Variants in INPP1 observed in about 807,000 individuals in gnomAD.
INPP1 encodes inositol polyphosphate 1-phosphatase.
INPP1 carries 18 observed loss-of-function variants against 23.0 expected under a neutral mutation model. That is an observed-to-expected ratio of 0.78 (90% CI 0.54 to 1.16). The LOEUF is 1.16. Ranked by LOEUF, INPP1 falls within the 50% of genes most tolerant of loss-of-function variation. The pLI, the probability that INPP1 is intolerant of heterozygous loss-of-function variation, is 0.00. For synonymous variants in INPP1, 164 were observed against 176.3 expected, an observed-to-expected ratio of 0.93 and a Z score of 0.55; for missense variants, 448 against 482.1, an observed-to-expected ratio of 0.93 and a Z score of 0.66.
At chr2:190,351,605 GT>G (rs930023631) in intron 2 of INPP1, among the ~76,000 whole-genome samples, 1 of 152,170 alleles carries the variant, frequency 6.6e-6, no homozygotes, top group Admixed American at 6.5e-5. Context: ...TTGACAGCAT[GT>G]TTTTGTGAGA....
At chr2:190,362,010 G>A (rs993567905) in intron 3 of INPP1, among the ~76,000 whole-genome samples, 1 of 152,172 alleles carries the variant, frequency 6.6e-6, no homozygotes, top group Non-Finnish European at 1.5e-5. Flanking sequence ...ATCATACAGA[G>A]ATGACAGAAG....
rs772373133 is a variant in INPP1, at chr2:190,368,267, C to T, written c.467-836C>T. Among the ~76,000 whole-genome samples, 7 of 152,290 alleles carry T rather than the reference C, an allele frequency of 4.6e-5. No homozygotes were observed. The highest frequency in any genetic ancestry group is 1.4e-4 in the African/African-American group (6 of 41,556). On this transcript the variant is annotated intron_variant, in intron 5 of 6. Coordinates refer to ENST00000392329, the MANE Select transcript of INPP1 (RefSeq NM_001128928.2). The surrounding 1 kb of genome is among the most constrained non-coding windows in gnomAD (Gnocchi z 4.3). ...CTTAGCCGTGTGTTGACTCCCTAGACGTCAGCAGTCAGCTGCTGGCATGTA... is the reference window on the plus strand; with the variant it reads ...CTTAGCCGTGTGTTGACTCCCTAGATGTCAGCAGTCAGCTGCTGGCATGTA...
rs796196740 is a variant in INPP1 at position 190,364,606 on chromosome 2, T to TTTTG, written c.265+1919_265+1920insTTTG. The stretch of plus-strand genomic sequence containing the variant: ...GAGGTTCTGATTTTTTTTTTTTTTT[T>TTTTG]GTTAGATGGAGTCTCCCTCTGTTGC... On this transcript the variant is annotated intron_variant, in intron 4 of 6. Coordinates refer to ENST00000392329, the MANE Select transcript of INPP1 (RefSeq NM_001128928.2). 1.9e-4 allele frequency among the ~76,000 whole-genome samples: 18 copies of TTTTG among 96,352 alleles called. 4 individuals are homozygous for TTTTG. The highest frequency in any genetic ancestry group is 8.1e-4 in the East Asian group (2 of 2,472). The allele number at this position is 96,352 out of a possible 152,430, so 63.2% of individuals were successfully genotyped here. A position where few individuals can be genotyped will look rare whatever the true frequency, so the allele number is the denominator to read the frequency against.
rs1279803632 is a variant in INPP1 at position 190,363,337 on chromosome 2, A to G, written c.265+650A>G. On this transcript the variant is annotated intron_variant, in intron 4 of 6. Coordinates refer to ENST00000392329, the MANE Select transcript of INPP1 (RefSeq NM_001128928.2). The surrounding 1 kb of genome is among the most constrained non-coding windows in gnomAD (Gnocchi z 4.4). ...AACCTCCACCTCCTGGATTCAAGCC[A>G]TTCTCCTGCCTCATCCTCCTGAGTG... 2.0e-5 allele frequency among the ~76,000 whole-genome samples: 3 copies of G among 152,164 alleles called. No homozygotes were observed. Among genetic ancestry groups the G allele is most frequent in the Non-Finnish European group, 2.9e-5 (2 of 68,028 alleles).
Position 190,362,702 on chromosome 2 carries a change from C to T in INPP1, c.265+15C>T, listed in dbSNP as rs756260679. The stretch of plus-strand genomic sequence containing the variant: ...TAATGACTGGGGTAAGTATAAGAAT[C>T]TTAATGTGTCTTTGTAATTTAATTA... On this transcript the variant is annotated intron_variant, in intron 4 of 6. Coordinates refer to ENST00000392329, the MANE Select transcript of INPP1 (RefSeq NM_001128928.2). The T allele has an allele frequency of 4.0e-6, 6 of 1,482,800 alleles. No homozygotes were observed. In the East Asian group the frequency reaches 6.8e-5, roughly 17 times the overall value. 91.9% of individuals were successfully genotyped at this position (1,482,800 alleles called of 1,614,324 possible).
chr2:190,353,269 A>G (rs1689358002), intron 2 of INPP1, among the ~76,000 whole-genome samples: 1 of 152,190 alleles, frequency 6.6e-6, no homozygotes, highest in Admixed American at 6.5e-5. Context: ...AGCCAGTCAT[A>G]GACTGTCTAC....
rs189402913 is a variant in INPP1, at chr2:190,344,478, T to C, written c.-209+517T>C. ...CTGCCAGCTACCTCCAGTGACCTACTTGATGAGTGTGAAATAAATATGATG... is the reference window on the plus strand; with the variant it reads ...CTGCCAGCTACCTCCAGTGACCTACCTGATGAGTGTGAAATAAATATGATG... On this transcript the variant is annotated intron_variant, in intron 1 of 6. Transcript: ENST00000392329. Among the ~76,000 whole-genome samples, 10 of 152,324 alleles carry C rather than the reference T, an allele frequency of 6.6e-5. No individual in the cohort carries two copies. In the East Asian group the frequency reaches 1.7e-3, roughly 26 times the overall value.
chr2:190,357,618 A>G (rs1195406201), intron 2 of INPP1, among the ~76,000 whole-genome samples: 1 of 152,224 alleles, frequency 6.6e-6, no homozygotes. Context: ...ATTATTTTCA[A>G]CTTGTTGTAA....
rs768042021 is a variant in INPP1, at chr2:190,369,083, A to G, written c.467-20A>G. ...AAATGATCTTTACCTGAATCCAAACACATTTGTTTCCTTTTTCAGATTCAA... is the reference window on the plus strand; with the variant it reads ...AAATGATCTTTACCTGAATCCAAACGCATTTGTTTCCTTTTTCAGATTCAA... On this transcript the variant is annotated intron_variant, in intron 5 of 6. Coordinates refer to ENST00000392329, the MANE Select transcript of INPP1 (RefSeq NM_001128928.2). 6 of 1,496,406 alleles carry G rather than the reference A, an allele frequency of 4.0e-6. No individual in the cohort carries two copies. Among genetic ancestry groups the G allele is most frequent in the Non-Finnish European group, 9.1e-7 (1 of 1,096,938 alleles). 92.7% of individuals were successfully genotyped at this position (1,496,406 alleles called of 1,614,324 possible).
intron 1 of INPP1, among the ~76,000 whole-genome samples, chr2:190,344,410 G>T (rs1351170901): frequency 6.6e-6 from 1 of 152,218 alleles, no homozygotes; most frequent in African/African-American, 2.4e-5. Context: ...GTGACCCCTT[G>T]GTCTCAGCCT....
chr2:190,358,064 T>G (rs573682515), intron 2 of INPP1, among the ~76,000 whole-genome samples: 1 of 146,984 alleles, frequency 6.8e-6, no homozygotes, highest in Non-Finnish European at 1.5e-5. Flanking sequence ...CCAGAGTCCA[T>G]TAAGGGAATT....
chr2:190,363,849 A>G lies in INPP1; in HGVS notation c.265+1162A>G, dbSNP rs1189218810. Among the ~76,000 whole-genome samples the G allele has an allele frequency of 2.0e-5, 3 of 152,236 alleles. No homozygotes were observed. Among genetic ancestry groups the G allele is most frequent in the Non-Finnish European group, 4.4e-5 (3 of 68,038 alleles). ...AATTATAGAGGCAAAAGGCATAGCC[A>G]CATCCATTTTCCTGTTTGTTAAAAG... On this transcript the variant is annotated intron_variant, in intron 4 of 6. Coordinates refer to ENST00000392329, the MANE Select transcript of INPP1 (RefSeq NM_001128928.2). The surrounding 1 kb of genome is among the most constrained non-coding windows in gnomAD (Gnocchi z 4.4).
At position 190,356,065 on chromosome 2, in the gene INPP1, G is replaced by A. The variant is rs1689415818; in HGVS notation, c.-64-3974G>A. Among the ~76,000 whole-genome samples the A allele has an allele frequency of 6.6e-6, 1 of 152,196 alleles. No homozygotes were observed. The highest frequency in any genetic ancestry group is 2.4e-5 in the African/African-American group (1 of 41,438). On this transcript the variant is annotated intron_variant, in intron 2 of 6. Transcript: ENST00000392329. This position sits in a 1 kb window ranked among gnomAD's most constrained non-coding sequence, Gnocchi z 6.4. The stretch of plus-strand genomic sequence containing the variant: ...TTTCTCCATAGACAAATTATTTCAA[G>A]TTGAGCCATTCAAGGTTAGGATGAA...
At chr2:190,364,496 C>T (rs558949532) in intron 4 of INPP1, among the ~76,000 whole-genome samples, 11 of 149,598 alleles carry the variant, frequency 7.4e-5, no homozygotes, top group Non-Finnish European at 1.5e-4. Context: ...GAGCGGAGAT[C>T]GCACCACTGC....
intron 4 of INPP1, among the ~76,000 whole-genome samples, chr2:190,366,397 CTG>C (rs1431100379): frequency 6.9e-6 from 1 of 144,284 alleles, no homozygotes; most frequent in Non-Finnish European, 1.5e-5. Flanking sequence ...CTCTCCCTGT[CTG>C]TCTCTCTTGC....
intron 3 of INPP1, among the ~76,000 whole-genome samples, chr2:190,362,066 A>T (rs1358313327): frequency 6.6e-6 from 1 of 152,200 alleles, no homozygotes; most frequent in Admixed American, 6.5e-5. Flanking sequence ...TGATACTTAA[A>T]TTATTGGCCA....
At position 190,370,910 on chromosome 2, in the gene INPP1, C is replaced by T. The variant is rs751112078; in HGVS notation, c.708C>T (p.Thr236=). 5.6e-6 allele frequency: 9 copies of T among 1,614,050 alleles called. No homozygotes were observed. Among genetic ancestry groups the T allele is most frequent in the African/African-American group, 1.3e-5 (1 of 74,912 alleles). The change falls in exon 7 of 7, where the codon ACC becomes ACT. Residue 236 remains threonine (T), a synonymous_variant. Coordinates refer to ENST00000392329, the MANE Select transcript of INPP1 (RefSeq NM_001128928.2). The part of the protein sequence containing the change: ...MGTNMHSLQL[T]ISRRNGSETH... The stretch of plus-strand genomic sequence containing the variant: ...CCAACATGCATTCACTACAGCTCAC[C>T]ATCTCTAGAAGAAACGGCAGTGAAA...
chr2:190,366,657 C>A, intron 4 of INPP1, 38 bp from the exon 5 acceptor site: 1 of 1,434,086 alleles, frequency 7.0e-7, no homozygotes, highest in Non-Finnish European at 9.8e-7. Context: ...CACTGAAACT[C>A]TTGAAATGTA....
Position 190,345,017 on chromosome 2 carries a change from G to T in INPP1, c.-209+1056G>T, listed in dbSNP as rs1689187589. Among the ~76,000 whole-genome samples the T allele has an allele frequency of 6.6e-6, 1 of 152,152 alleles. No homozygotes were observed. The highest frequency in any genetic ancestry group is 2.1e-4 in the South Asian group (1 of 4,832). On this transcript the variant is annotated intron_variant, in intron 1 of 6. Transcript: ENST00000392329. This position sits in a 1 kb window ranked among gnomAD's most constrained non-coding sequence, Gnocchi z 4.9. ...CTCTTGATTGGTGAATTAGCTAAGT[G>T]ATCTCATTCTTACCTTTTAAAATAG...
Sources: allele counts gnomAD v4.1 joint callset (sites outside exome capture counted in the v4.1 genomes callset), GRCh38; gene constraint gnomAD v4.1.1; non-coding constraint Gnocchi (gnomAD v3.1); transcripts MANE v1.5; gene names NCBI Gene and HGNC (gene_info 2026-07-23, HGNC 2026-07-21).